Variants in LRRFIP1 observed in about 807,000 individuals in gnomAD.
The protein encoded by LRRFIP1 is LRR binding FLII interacting protein 1, also known as leucine-rich repeat flightless-interacting protein 1.
Under a neutral mutation model 104.4 loss-of-function variants are expected in LRRFIP1, and 62 were observed. The observed-to-expected ratio is 0.59, with a 90% CI of 0.48 to 0.73. The LOEUF (loss-of-function observed/expected upper bound fraction) is 0.73, where lower values mean the gene tolerates loss of function less well. Among genes scored for constraint, LRRFIP1 ranks in the 30% least tolerant of loss-of-function variants. The probability of loss-of-function intolerance (pLI) is 0.00; values close to 1 mark genes in which losing one functional copy is unlikely to be tolerated. For synonymous variants in LRRFIP1, 300 were observed against 299.0 expected (o/e 1.00, Z -0.03); for missense variants, 796 against 824.5 (o/e 0.97, Z 0.42).
intron 1 of LRRFIP1, chr2:237,684,175 T>C: frequency 7.5e-5 from 1 of 13,328 alleles, no homozygotes; most frequent in East Asian, 6.0e-3. Flanking sequence ...AAATTGCCAT[T>C]TTTTTTTTTT....
chr2:237,749,205 C>G lies in LRRFIP1; in HGVS notation c.676C>G (p.Arg226Gly). The G allele has an allele frequency of 6.2e-7, 1 of 1,613,104 alleles. No individual in the cohort carries two copies. The highest frequency in any genetic ancestry group is 8.5e-7 in the Non-Finnish European group (1 of 1,179,906). ...PEKDFTEKGSRNMPGLSAATL... is the reference protein window; with the variant it reads ...PEKDFTEKGSGNMPGLSAATL... ...GATCCTCTCAACGTTCCAGGGGTCT[C>G]GTAACATGCCGGGCCTGTCTGCAGC... The change falls in exon 13 of 24, where the codon CGT becomes GGT. Residue 226 changes from arginine (R) to glycine (G), a missense_variant. Physicochemically the swap from Arg to Gly is moderately radical, Grantham distance 125 (BLOSUM62 -2). Transcript: ENST00000308482.
intron 1 of LRRFIP1, among the ~76,000 whole-genome samples, chr2:237,629,636 T>A (rs1187917540): frequency 3.9e-5 from 6 of 151,964 alleles, no homozygotes; most frequent in African/African-American, 1.2e-4. Flanking sequence ...CACACCCGGC[T>A]AATTTTTGTA....
intron 1 of LRRFIP1, among the ~76,000 whole-genome samples, chr2:237,644,117 A>G (rs574635689): frequency 5.9e-5 from 9 of 152,196 alleles, no homozygotes; most frequent in African/African-American, 2.2e-4. Flanking sequence ...GTTGCAATGT[A>G]TGCACTTGGA....
chr2:237,781,352 C>T lies in LRRFIP1; in HGVS notation c.*1820C>T, dbSNP rs55711794. 0.043 allele frequency among the ~76,000 whole-genome samples: 6,557 copies of T among 152,290 alleles called. 165 individuals are homozygous for T. Among genetic ancestry groups the T allele is most frequent in the Middle Eastern group, 0.13 (39 of 292 alleles). ...AATTCTATGAGGTAGATGCTGTTATCAAATCCACATTACAGATGAGGGACC... is the reference window on the plus strand; with the variant it reads ...AATTCTATGAGGTAGATGCTGTTATTAAATCCACATTACAGATGAGGGACC... On this transcript the variant is annotated 3_prime_UTR_variant, in exon 24 of 24. Coordinates refer to ENST00000308482, the MANE Select transcript of LRRFIP1 (RefSeq NM_001137550.2).
Position 237,649,023 on chromosome 2 carries a change from C to T in LRRFIP1, c.96+21283C>T, listed in dbSNP as rs1332357808. Among the ~76,000 whole-genome samples, 1 of 151,850 alleles carries T rather than the reference C, an allele frequency of 6.6e-6. No individual in the cohort carries two copies. The highest frequency in any genetic ancestry group is 6.6e-5 in the Admixed American group (1 of 15,256). On this transcript the variant is annotated intron_variant, in intron 1 of 23. Coordinates refer to ENST00000308482, the MANE Select transcript of LRRFIP1 (RefSeq NM_001137550.2). This position sits in a 1 kb window ranked among gnomAD's most constrained non-coding sequence, Gnocchi z 4.1. ...CAGGCATGGCTGGTGTGAGAGGAGGCGTCCTTGTCACCATCCTTTGTTGCC... is the reference window on the plus strand; with the variant it reads ...CAGGCATGGCTGGTGTGAGAGGAGGTGTCCTTGTCACCATCCTTTGTTGCC...
rs1401863512 is a variant in LRRFIP1, at chr2:237,708,529, C to G, written c.97-15C>G. ...CGCTGCTCTGTCCTCTAATAAGATG[C>G]CCTGTCCGTTTCAGGCGGAAGCCCG... On this transcript the variant is annotated splice_polypyrimidine_tract_variant and intron_variant, in intron 1 of 23. Coordinates refer to ENST00000308482, the MANE Select transcript of LRRFIP1 (RefSeq NM_001137550.2). 1.3e-6 allele frequency: 2 copies of G among 1,553,858 alleles called. No individual in the cohort carries two copies. Among genetic ancestry groups the G allele is most frequent in the Admixed American group, 3.6e-5 (2 of 55,764 alleles).
chr2:237,716,004 A>G (rs905439946), intron 3 of LRRFIP1, among the ~76,000 whole-genome samples: 3 of 152,250 alleles, frequency 2.0e-5, no homozygotes, highest in Non-Finnish European at 4.4e-5. Flanking sequence ...TGAAAAGAGC[A>G]AGTTAGAGTG....
rs780275504 is a variant in LRRFIP1 at position 237,711,298 on chromosome 2, T to C, written c.183+2668T>C. On this transcript the variant is annotated intron_variant, in intron 2 of 23. Coordinates refer to ENST00000308482, the MANE Select transcript of LRRFIP1 (RefSeq NM_001137550.2). The surrounding 1 kb of genome is among the most constrained non-coding windows in gnomAD (Gnocchi z 4.4). ...GTACAGATGTCATTTGCTTAGTAGA[T>C]GGCATTCACATTTTGAAATTCTTCT... 6.6e-6 allele frequency among the ~76,000 whole-genome samples: 1 copy of C among 152,230 alleles called. No homozygotes were observed. Among genetic ancestry groups the C allele is most frequent in the Non-Finnish European group, 1.5e-5 (1 of 68,040 alleles).
intron 21 of LRRFIP1, 57 bp downstream of exon 21, chr2:237,772,255 C>T: frequency 7.5e-7 from 1 of 1,336,718 alleles, no homozygotes; most frequent in South Asian, 1.2e-5. Flanking sequence ...TTTTAGTATA[C>T]TTGTGCTGGC....
rs3754727 is a variant in LRRFIP1, at chr2:237,691,694, C to A, written c.97-16850C>A. Among the ~76,000 whole-genome samples, 90 of 152,272 alleles carry A rather than the reference C, an allele frequency of 5.9e-4. 1 individual carries two copies. In the East Asian group the frequency reaches 0.017, roughly 28 times the overall value. ...CGCCCAGCCCCGGGCAGGTCCCCCC[C>A]CGGAGGGGACCCCCTCTTCGGGTCG... On this transcript the variant is annotated intron_variant, in intron 1 of 23. Coordinates refer to ENST00000308482, the MANE Select transcript of LRRFIP1 (RefSeq NM_001137550.2). The surrounding 1 kb of genome is among the most constrained non-coding windows in gnomAD (Gnocchi z 5.4).
chr2:237,689,768 C>G (rs1306716525), intron 1 of LRRFIP1, among the ~76,000 whole-genome samples: 4 of 152,166 alleles, frequency 2.6e-5, no homozygotes, highest in South Asian at 2.1e-4. Flanking sequence ...CAAGGGGACT[C>G]TATCTGGAAA....
chr2:237,767,123 T>C (rs541486238), intron 19 of LRRFIP1, among the ~76,000 whole-genome samples: 3 of 152,256 alleles, frequency 2.0e-5, no homozygotes, highest in African/African-American at 7.2e-5. Flanking sequence ...CTGCAGTGAA[T>C]TGTGCTCACA....
chr2:237,735,004 T>C lies in LRRFIP1; in HGVS notation c.490-264T>C, dbSNP rs998471624. Among the ~76,000 whole-genome samples, 2 of 152,206 alleles carry C rather than the reference T, an allele frequency of 1.3e-5. No individual in the cohort carries two copies. Among genetic ancestry groups the C allele is most frequent in the Non-Finnish European group, 2.9e-5 (2 of 68,030 alleles). On this transcript the variant is annotated intron_variant, in intron 9 of 23. Transcript: ENST00000308482. This position sits in a 1 kb window ranked among gnomAD's most constrained non-coding sequence, Gnocchi z 4.6. ...AGTTTTCACTTAGGCCTGGGATGTT[T>C]TCCAAAGTAATAGATTTAAATGGTC...
At chr2:237,757,899 T>A (rs1310177044) in intron 17 of LRRFIP1, among the ~76,000 whole-genome samples, 2 of 151,608 alleles carry the variant, frequency 1.3e-5, no homozygotes, top group African/African-American at 4.8e-5. Context: ...CGTCTTGGGA[T>A]TATCTGCCTG....
chr2:237,735,172 C>A lies in LRRFIP1; in HGVS notation c.490-96C>A. On this transcript the variant is annotated intron_variant, in intron 9 of 23. Coordinates refer to ENST00000308482, the MANE Select transcript of LRRFIP1 (RefSeq NM_001137550.2). This position sits in a 1 kb window ranked among gnomAD's most constrained non-coding sequence, Gnocchi z 4.6. The stretch of plus-strand genomic sequence containing the variant: ...ATGCTTTTTCAGGTCATGCTCCTGG[C>A]ACGTGTCAGTTTTTCACAGCTCACG... The A allele has an allele frequency of 1.1e-6, 1 of 934,898 alleles. No homozygotes were observed. Among genetic ancestry groups the A allele is most frequent in the Non-Finnish European group, 1.6e-6 (1 of 606,546 alleles). The allele number at this position is 934,898 out of a possible 1,614,324, so 57.9% of individuals were successfully genotyped here.
At chr2:237,739,205 G>T in intron 10 of LRRFIP1, 27 bp from the exon 11 acceptor site, 1 of 1,548,318 alleles carries the variant, frequency 6.5e-7, no homozygotes. Flanking sequence ...TTCTGGCTGC[G>T]TGTCCTGGCG....
chr2:237,771,705 A>G (rs2150922371), intron 20 of LRRFIP1, among the ~76,000 whole-genome samples: 1 of 152,228 alleles, frequency 6.6e-6, no homozygotes, highest in Middle Eastern at 3.4e-3. Context: ...AAAGCACTCG[A>G]CTTTTGGGGG....
chr2:237,685,983 C>T (rs2092337270), intron 1 of LRRFIP1, among the ~76,000 whole-genome samples: 1 of 152,222 alleles, frequency 6.6e-6, no homozygotes, highest in Non-Finnish European at 1.5e-5. Context: ...TTGCTCTCTT[C>T]ACTCTGTGGC....
chr2:237,748,924 A>G (rs2058229476), intron 12 of LRRFIP1, among the ~76,000 whole-genome samples: 1 of 152,206 alleles, frequency 6.6e-6, no homozygotes, highest in African/African-American at 2.4e-5. Flanking sequence ...GAAACTTACA[A>G]TCATGGTGAA....
Sources: gnomAD v4.1 joint callset for allele counts (sites outside exome capture counted in the v4.1 genomes callset) on GRCh38, gnomAD v4.1.1 for gene constraint, Gnocchi (gnomAD v3.1) non-coding constraint, MANE v1.5 for transcripts, NCBI Gene and HGNC (gene_info 2026-07-23, HGNC 2026-07-21) for gene names.